Variants in NOL4 observed in about 807,000 individuals in gnomAD.
NOL4 encodes cancer/testis antigen 125.
Under a neutral mutation model 75.9 loss-of-function variants are expected in NOL4, and 17 were observed. The observed-to-expected ratio is 0.22, with a 90% CI of 0.15 to 0.34. The LOEUF (loss-of-function observed/expected upper bound fraction) is 0.34, where lower values mean the gene tolerates loss of function less well. Ranked by LOEUF, NOL4 falls within the 10% of genes least tolerant of loss-of-function variation. The pLI is 1.00. For synonymous variants in NOL4, 292 were observed against 289.9 expected, an observed-to-expected ratio of 1.01 and a Z score of -0.07; for missense variants, 614 against 793.5, an observed-to-expected ratio of 0.77 and a Z score of 2.72.
intron 9 of NOL4, among the ~76,000 whole-genome samples, chr18:33,927,508 C>T (rs937537860): frequency 1.3e-5 from 2 of 152,192 alleles, no homozygotes; most frequent in Middle Eastern, 3.4e-3. Context: ...ATCTAAGAGT[C>T]AGTGTGTGGA....
chr18:34,121,265 A>AT (rs755800385), intron 2 of NOL4: 1 of 152,138 alleles, frequency 6.6e-6, no homozygotes, highest in African/African-American at 2.4e-5. Flanking sequence ...TCCTGTCTTG[A>AT]TTTTTCCTGA....
chr18:34,151,993 A>G (rs959872290), intron 1 of NOL4, among the ~76,000 whole-genome samples: 14 of 152,044 alleles, frequency 9.2e-5, no homozygotes, highest in Admixed American at 6.6e-4. Flanking sequence ...TGCTTGATCA[A>G]TTTGAAAAAA....
intron 6 of NOL4, among the ~76,000 whole-genome samples, chr18:34,002,640 T>TG (rs1192187816): frequency 6.6e-6 from 1 of 152,074 alleles, no homozygotes; most frequent in East Asian, 1.9e-4. Flanking sequence ...ACACAGTACT[T>TG]GGCTCACAGG....
At chr18:34,032,955 C>T (rs541886126) in intron 5 of NOL4, among the ~76,000 whole-genome samples, 3 of 152,256 alleles carry the variant, frequency 2.0e-5, no homozygotes, top group South Asian at 2.1e-4. Context: ...ATGATGTTTA[C>T]AGTCAAAGAA....
At chr18:34,195,035 A>AG (rs1356011565) in intron 1 of NOL4, among the ~76,000 whole-genome samples, 1 of 151,818 alleles carries the variant, frequency 6.6e-6, no homozygotes, top group Non-Finnish European at 1.5e-5. Context: ...TCTCAAAAAA[A>AG]AAAAAGAAAG....
Position 34,036,537 on chromosome 18 carries a change from A to C in NOL4, c.773-16936T>G, listed in dbSNP as rs529782638. Among the ~76,000 whole-genome samples the C allele has an allele frequency of 3.9e-5, 6 of 152,316 alleles. No individual in the cohort carries two copies. The East Asian group carries it at 1.2e-3, about 29-fold the overall frequency. Reference sequence around the variant, plus strand: ...GGAAAGGTTGAAAGCTTTTTCCTTAAGATATGAAACAAGACAAGGATGCTC... The same window carrying C: ...GGAAAGGTTGAAAGCTTTTTCCTTACGATATGAAACAAGACAAGGATGCTC... On this transcript the variant is annotated intron_variant, in intron 5 of 10. Coordinates refer to ENST00000261592, the MANE Select transcript of NOL4 (RefSeq NM_003787.5).
intron 9 of NOL4, among the ~76,000 whole-genome samples, chr18:33,916,546 T>G (rs1854930153): frequency 1.3e-5 from 2 of 151,844 alleles, no homozygotes; most frequent in Admixed American, 1.3e-4. Context: ...ATAAATTAAT[T>G]TTGTTAGGCA....
intron 1 of NOL4, among the ~76,000 whole-genome samples, chr18:34,135,831 T>C (rs1221622366): frequency 2.6e-4 from 39 of 151,826 alleles, no homozygotes; most frequent in Admixed American, 2.6e-3. Context: ...ACTTCCCAAA[T>C]TATCCAATGA....
chr18:34,142,615 G>A (rs2081219793), intron 1 of NOL4, among the ~76,000 whole-genome samples: 1 of 152,078 alleles, frequency 6.6e-6, no homozygotes, highest in Non-Finnish European at 1.5e-5. Context: ...CTCACTCATA[G>A]ATGGGAATTG....
chr18:34,039,607 G>A (rs750856110), intron 5 of NOL4, among the ~76,000 whole-genome samples: 1 of 151,950 alleles, frequency 6.6e-6, no homozygotes, highest in Non-Finnish European at 1.5e-5. Flanking sequence ...TAAGTGTGTG[G>A]TCAATCCCAT....
Position 33,943,059 on chromosome 18 carries a change from C to T in NOL4, c.1542+6G>A. On this transcript the variant is annotated splice_donor_region_variant and intron_variant, in intron 9 of 10. Coordinates refer to ENST00000261592, the MANE Select transcript of NOL4 (RefSeq NM_003787.5). ...GTGTTCACCAGACTTCAAGATGCCT[C>T]AGTACCTGCTGTCTCTCCAGACGCA... is the stretch of plus-strand genomic sequence containing the variant. The T allele has an allele frequency of 1.3e-6, 2 of 1,596,946 alleles. No homozygotes were observed. The highest frequency in any genetic ancestry group is 1.7e-6 in the Non-Finnish European group (2 of 1,165,888).
chr18:34,124,745 A>C (rs574262178), intron 2 of NOL4, among the ~76,000 whole-genome samples: 1 of 152,182 alleles, frequency 6.6e-6, no homozygotes, highest in South Asian at 2.1e-4. Context: ...TCTCTACTTA[A>C]AATACAAAAA....
At chr18:33,986,633 C>G (rs554609366) in intron 6 of NOL4, among the ~76,000 whole-genome samples, 87 of 152,100 alleles carry the variant, frequency 5.7e-4, no homozygotes, top group Admixed American at 1.8e-3. Flanking sequence ...AACCAAAGAT[C>G]GGGGGACTAC....
chr18:34,108,272 A>G (rs1434342281), intron 2 of NOL4, among the ~76,000 whole-genome samples: 3 of 152,202 alleles, frequency 2.0e-5, no homozygotes, highest in Admixed American at 2.0e-4. Flanking sequence ...TCACAAAGGA[A>G]GAGACCAAGA....
chr18:34,088,939 A>T (rs927875338), intron 5 of NOL4, among the ~76,000 whole-genome samples: 6 of 151,866 alleles, frequency 4.0e-5, no homozygotes, highest in Non-Finnish European at 8.8e-5. Context: ...TGTCTTTTTG[A>T]CCTTTATCTA....
At chr18:34,165,132 C>T (rs1157977385) in intron 1 of NOL4, among the ~76,000 whole-genome samples, 1 of 151,050 alleles carries the variant, frequency 6.6e-6, no homozygotes, top group African/African-American at 2.4e-5. Context: ...AGGAGATATA[C>T]CTAATGCTAA....
chr18:33,965,970 T>C (rs191060694), intron 6 of NOL4, among the ~76,000 whole-genome samples: 1 of 152,314 alleles, frequency 6.6e-6, no homozygotes, highest in East Asian at 1.9e-4. Context: ...TACTGGTTCA[T>C]TGTAGTCTCT....
chr18:34,051,971 T>C (rs1046372079), intron 5 of NOL4, among the ~76,000 whole-genome samples: 5 of 151,948 alleles, frequency 3.3e-5, no homozygotes, highest in African/African-American at 4.8e-5. Context: ...GAAAGCACCA[T>C]GCAACTAGGA....
intron 1 of NOL4, among the ~76,000 whole-genome samples, chr18:34,206,803 A>T (rs2036151461): frequency 6.6e-6 from 1 of 151,940 alleles, no homozygotes; most frequent in African/African-American, 2.4e-5. Context: ...TATTTTTTTT[A>T]TCTACCAATT....
Sources: allele counts gnomAD v4.1 joint callset (sites outside exome capture counted in the v4.1 genomes callset), GRCh38; gene constraint gnomAD v4.1.1; transcripts MANE v1.5; gene names NCBI Gene and HGNC (gene_info 2026-07-23, HGNC 2026-07-21).